The following INSR variants were observed in gnomAD, a reference collection of about 807,000 sequenced individuals.
INSR encodes IR.
Under a neutral mutation model 142.6 loss-of-function variants are expected in INSR, and 67 were observed. The ratio of observed to expected loss-of-function variants is 0.47; its 90% CI spans 0.39 to 0.58. The LOEUF is 0.58. Ranked by LOEUF, INSR falls within the 20% of genes least tolerant of loss-of-function variation. INSR has a pLI of 0.00. For missense variants in INSR, 1,248 were observed against 1,833.2 expected, an observed-to-expected ratio of 0.68 and a Z score of 5.83; for synonymous variants, 756 against 743.1, an observed-to-expected ratio of 1.02 and a Z score of -0.28.
intron 14 of INSR, among the ~76,000 whole-genome samples, chr19:7,131,072 G>A (rs532042732): frequency 3.6e-4 from 55 of 151,220 alleles, no homozygotes; most frequent in African/African-American, 1.2e-3. Context: ...TAGAGATGGG[G>A]TTTCACCATG....
Position 7,150,566 on chromosome 19 carries a change from AG to A in INSR, c.2232-35del. The A allele has an allele frequency of 6.2e-7, 1 of 1,611,392 alleles. No homozygotes were observed. The highest frequency in any genetic ancestry group is 8.5e-7 in the Non-Finnish European group (1 of 1,177,608). On this transcript the variant is annotated intron_variant, in intron 10 of 21. Coordinates refer to ENST00000302850, the MANE Select transcript of INSR (RefSeq NM_000208.4). This position sits in a 1 kb window ranked among gnomAD's most constrained non-coding sequence, Gnocchi z 4.2. ...ACAAAACCAACGCCTTTGAGGACAG[AG>A]GGAACTTCATTAGACAGACCACTGG...
chr19:7,291,991 T>C (rs1473507974), intron 1 of INSR, among the ~76,000 whole-genome samples: 2 of 151,422 alleles, frequency 1.3e-5, no homozygotes, highest in Non-Finnish European at 2.9e-5. Context: ...GACAGGGTTT[T>C]ACCGTGTTAG....
chr19:7,125,945 G>T lies in INSR; in HGVS notation c.3014-418C>A, dbSNP rs907061771. On this transcript the variant is annotated intron_variant, in intron 16 of 21. Transcript: ENST00000302850. This position sits in a 1 kb window ranked among gnomAD's most constrained non-coding sequence, Gnocchi z 4.9. ...ATACTTGGAGCTCTTCCCATGAAAA[G>T]GTGGAGTCTATCTCACCACCCCTTG... Among the ~76,000 whole-genome samples the T allele has an allele frequency of 6.6e-6, 1 of 152,160 alleles. No individual in the cohort carries two copies. Among genetic ancestry groups the T allele is most frequent in the African/African-American group, 2.4e-5 (1 of 41,448 alleles).
chr19:7,185,397 G>A (rs1173053927), intron 2 of INSR, among the ~76,000 whole-genome samples: 1 of 152,116 alleles, frequency 6.6e-6, no homozygotes, highest in Non-Finnish European at 1.5e-5. Context: ...GGTACAGGGA[G>A]GTTAAGTAAC....
At chr19:7,137,640 T>G (rs952123080) in intron 13 of INSR, among the ~76,000 whole-genome samples, 10 of 151,516 alleles carry the variant, frequency 6.6e-5, no homozygotes, top group African/African-American at 2.4e-4. Context: ...ATACAAATAT[T>G]AGCTGGGTGT....
intron 2 of INSR, among the ~76,000 whole-genome samples, chr19:7,213,587 A>G (rs1975345918): frequency 6.6e-6 from 1 of 152,220 alleles, no homozygotes; most frequent in African/African-American, 2.4e-5. Context: ...TATTGTCCAT[A>G]GCCCAGTGCA....
chr19:7,293,840 C>T lies in INSR; in HGVS notation c.52G>A (p.Val18Met). 2 of 1,300,416 alleles carry T rather than the reference C, an allele frequency of 1.5e-6. No individual in the cohort carries two copies. Among genetic ancestry groups the T allele is most frequent in the Non-Finnish European group, 1.9e-6 (2 of 1,027,558 alleles). The allele number at this position is 1,300,416 out of a possible 1,614,324, so 80.6% of individuals were successfully genotyped here. The change falls in exon 1 of 22, where the codon GTG becomes ATG. Residue 18 changes from valine to methionine, a missense_variant. Val to Met is a conservative substitution (Grantham distance 21). Transcript: ENST00000302850. ...GCGGCGCCCAGTAGCAGCGCGGCCA[C>T]CGCCACCAGCAGCGGCGCGGCCGCC... Reference protein sequence around the residue: ...GAAAAPLLVAVAALLLGAAGH... With the variant: ...GAAAAPLLVAMAALLLGAAGH...
chr19:7,202,568 C>T (rs998464245), intron 2 of INSR, among the ~76,000 whole-genome samples: 1 of 152,068 alleles, frequency 6.6e-6, no homozygotes, highest in East Asian at 1.9e-4. Flanking sequence ...GGCACCATCT[C>T]GGCTCACTGC....
chr19:7,139,326 A>G (rs893117346), intron 13 of INSR, among the ~76,000 whole-genome samples: 12 of 152,252 alleles, frequency 7.9e-5, no homozygotes, highest in Non-Finnish European at 1.0e-4. Context: ...TGAAACAATA[A>G]CTAAAGCTGT....
intron 9 of INSR, among the ~76,000 whole-genome samples, chr19:7,155,694 C>T (rs1016286697): frequency 6.6e-6 from 1 of 151,880 alleles, no homozygotes; most frequent in African/African-American, 2.4e-5. Context: ...GGAAGGATCA[C>T]TTGAGCCCAG....
intron 2 of INSR, among the ~76,000 whole-genome samples, chr19:7,247,575 G>A (rs1056584368): frequency 2.8e-4 from 42 of 152,162 alleles, no homozygotes; most frequent in African/African-American, 9.9e-4. Flanking sequence ...TCCAAGTAGG[G>A]AAGAGGAACT....
chr19:7,245,334 T>C (rs1013114877), intron 2 of INSR, among the ~76,000 whole-genome samples: 2 of 152,166 alleles, frequency 1.3e-5, no homozygotes, highest in African/African-American at 4.8e-5. Context: ...AAAACTAGAT[T>C]TGCCACTTTA....
chr19:7,151,152 TTCTTTCTTTC>T (rs1434953098), intron 10 of INSR, among the ~76,000 whole-genome samples: 859 of 11,170 alleles, frequency 0.077, 19 homozygotes, highest in African/African-American at 0.095. Flanking sequence ...TCTCTTTCCT[TTCTTTCTTTC>T]TCTTTCTTTC....
intron 11 of INSR, among the ~76,000 whole-genome samples, chr19:7,143,733 T>A (rs1973126816): frequency 6.6e-6 from 1 of 152,110 alleles, no homozygotes; most frequent in Admixed American, 6.6e-5. Flanking sequence ...AGCTAACAAA[T>A]TTTAAAATAC....
At chr19:7,155,332 C>T (rs1973561979) in intron 9 of INSR, among the ~76,000 whole-genome samples, 1 of 151,918 alleles carries the variant, frequency 6.6e-6, no homozygotes, top group Admixed American at 6.6e-5. Context: ...GTCAGGAGTT[C>T]GAGACCAGCC....
chr19:7,250,695 G>GA (rs147997544), intron 2 of INSR, among the ~76,000 whole-genome samples: 5,922 of 151,524 alleles, frequency 0.039, 289 homozygotes, highest in African/African-American at 0.11. Context: ...AAAAGAAAAA[G>GA]AAAAAAAATC....
chr19:7,289,539 A>G (rs1313479363), intron 1 of INSR, among the ~76,000 whole-genome samples: 2 of 150,604 alleles, frequency 1.3e-5, no homozygotes, highest in East Asian at 2.0e-4. Context: ...CCAAGTAGCT[A>G]GGATTACAAG....
chr19:7,178,245 G>C (rs1291885798), intron 3 of INSR, among the ~76,000 whole-genome samples: 13 of 85,492 alleles, frequency 1.5e-4, no homozygotes, highest in African/African-American at 8.0e-4. Context: ...GTGACTTGTG[G>C]GGGGGGGGGT....
At chr19:7,131,674 G>A (rs11880482) in intron 14 of INSR, among the ~76,000 whole-genome samples, 50,211 of 139,668 alleles carry the variant, frequency 0.36, 9,436 homozygotes, top group African/African-American at 0.5. Flanking sequence ...GAACTGCACA[G>A]GTACCTCTGA....
Sources: allele counts gnomAD v4.1 joint callset (sites outside exome capture counted in the v4.1 genomes callset), GRCh38; gene constraint gnomAD v4.1.1; non-coding constraint Gnocchi (gnomAD v3.1); transcripts MANE v1.5; gene names NCBI Gene and HGNC (gene_info 2026-07-23, HGNC 2026-07-21).